Variants in TRPC4 observed in about 807,000 individuals in gnomAD.
TRPC4 encodes the protein short transient receptor potential channel 4.
A neutral mutation model predicts 99.4 loss-of-function variants in TRPC4; 49 were observed. That is an observed-to-expected ratio of 0.49 (90% CI 0.39 to 0.63). The LOEUF is 0.63. TRPC4 is among the 20% of genes least tolerant of loss of function. The pLI is 0.00. For synonymous variants in TRPC4, 454 were observed against 425.9 expected, an observed-to-expected ratio of 1.07 and a Z score of -0.81; for missense variants, 898 against 1,152.9, an observed-to-expected ratio of 0.78 and a Z score of 3.20.
At chr13:37,772,905 C>T (rs532486458) in intron 2 of TRPC4, among the ~76,000 whole-genome samples, 4 of 151,718 alleles carry the variant, frequency 2.6e-5, no homozygotes, top group Non-Finnish European at 5.9e-5. Flanking sequence ...CTCCTACACT[C>T]TCGTGAATGT....
chr13:37,740,717 G>A (rs79517865), intron 3 of TRPC4, among the ~76,000 whole-genome samples: 6,611 of 152,190 alleles, frequency 0.043, 197 homozygotes, highest in East Asian at 0.11. Context: ...CCATATCAAG[G>A]GGTTTGAAAT....
intron 2 of TRPC4, among the ~76,000 whole-genome samples, chr13:37,775,380 T>G (rs1325952155): frequency 6.7e-6 from 1 of 148,782 alleles, no homozygotes; most frequent in African/African-American, 2.5e-5. Flanking sequence ...TTGTTTAGAT[T>G]TTTTTGCTAT....
chr13:37,654,319 A>C (rs7338118), intron 7 of TRPC4, among the ~76,000 whole-genome samples: 37,777 of 152,080 alleles, frequency 0.25, 5,341 homozygotes, highest in East Asian at 0.68. Context: ...AGGTATAAAT[A>C]TGAAAGACTT....
chr13:37,642,049 G>A (rs144657988), intron 8 of TRPC4, among the ~76,000 whole-genome samples: 88 of 152,258 alleles, frequency 5.8e-4, no homozygotes, highest in Non-Finnish European at 1.0e-4. Flanking sequence ...GATTTTGATG[G>A]TAATTCATGC....
intron 1 of TRPC4, among the ~76,000 whole-genome samples, chr13:37,799,989 G>A (rs562356424): frequency 1.3e-5 from 2 of 152,242 alleles, no homozygotes; most frequent in East Asian, 3.9e-4. Context: ...GGTTGTTGCA[G>A]TGCAAATGCG....
At chr13:37,747,455 G>A (rs185631641) in intron 2 of TRPC4, among the ~76,000 whole-genome samples, 337 of 152,202 alleles carry the variant, frequency 2.2e-3, no homozygotes, top group African/African-American at 7.8e-3. Flanking sequence ...CTGGCACAAA[G>A]CCATAGAGGC....
At chr13:37,683,314 ATAGGG>A (rs1185024285) in intron 4 of TRPC4, among the ~76,000 whole-genome samples, 2 of 152,140 alleles carry the variant, frequency 1.3e-5, no homozygotes, top group Non-Finnish European at 2.9e-5. Flanking sequence ...AGGTTTGGCC[ATAGGG>A]TAGCCCATGG....
intron 1 of TRPC4, among the ~76,000 whole-genome samples, chr13:37,832,276 T>C (rs540084842): frequency 6.6e-6 from 1 of 152,336 alleles, no homozygotes; most frequent in South Asian, 2.1e-4. Context: ...GGCCACGCGC[T>C]GTAGCCTGTA....
intron 6 of TRPC4, among the ~76,000 whole-genome samples, chr13:37,659,334 C>T (rs1310518386): frequency 1.3e-5 from 2 of 152,120 alleles, no homozygotes; most frequent in East Asian, 1.9e-4. Flanking sequence ...CCCTGTGATG[C>T]CTGCTTCCCT....
At chr13:37,836,815 C>T (rs568753995) in intron 1 of TRPC4, among the ~76,000 whole-genome samples, 4 of 152,286 alleles carry the variant, frequency 2.6e-5, no homozygotes, top group East Asian at 1.9e-4. Flanking sequence ...ATGTTAATCC[C>T]CAAGACAATG....
In TRPC4 at chr13:37,644,616, ATTCC is replaced by A. The variant is rs563293294; in HGVS notation, c.2080-5321_2080-5318del. ...CCGGGCGCGGTGGTTCACGCCTGTA[ATTCC>A]AGCACTCTGGGAGGCCGAAGAGGGT... On this transcript the variant is annotated intron_variant, in intron 8 of 10. Coordinates refer to ENST00000379705, the MANE Select transcript of TRPC4 (RefSeq NM_016179.4). 1.7e-4 allele frequency among the ~76,000 whole-genome samples: 26 copies of A among 152,166 alleles called. No homozygotes were observed. In the East Asian group the frequency reaches 4.5e-3, roughly 26 times the overall value.
intron 1 of TRPC4, among the ~76,000 whole-genome samples, chr13:37,848,467 G>T (rs572789512): frequency 1.3e-5 from 2 of 152,196 alleles, no homozygotes; most frequent in Non-Finnish European, 2.9e-5. Flanking sequence ...AAGGAATTCC[G>T]ATTCCTGACT....
intron 2 of TRPC4, among the ~76,000 whole-genome samples, chr13:37,765,487 C>T (rs1956338671): frequency 6.6e-6 from 1 of 151,044 alleles, no homozygotes; most frequent in Admixed American, 6.6e-5. Context: ...TGTATTTCTC[C>T]CCTGATAGAT....
intron 3 of TRPC4, among the ~76,000 whole-genome samples, chr13:37,737,518 GCTGGAATGCA>G (rs1252882698): frequency 6.6e-6 from 1 of 151,884 alleles, no homozygotes; most frequent in African/African-American, 2.4e-5. Context: ...TGTTCCGCAG[GCTGGAATGCA>G]CTGGTACAAT....
Position 37,662,402 on chromosome 13 carries a change from T to C in TRPC4, c.1688+1014A>G, listed in dbSNP as rs138702922. 3.6e-3 allele frequency among the ~76,000 whole-genome samples: 549 copies of C among 152,290 alleles called. 4 individuals are homozygous for C. The highest frequency in any genetic ancestry group is 0.013 in the African/African-American group (532 of 41,560). Reference sequence around the variant, plus strand: ...GTATCAATGGCTGACATTTAAAAATTATGTGCAAATAAAAAGATGATGAAT... The same window carrying C: ...GTATCAATGGCTGACATTTAAAAATCATGTGCAAATAAAAAGATGATGAAT... On this transcript the variant is annotated intron_variant, in intron 6 of 10. Coordinates refer to ENST00000379705, the MANE Select transcript of TRPC4 (RefSeq NM_016179.4).
At chr13:37,735,017 A>G (rs1955353490) in intron 3 of TRPC4, among the ~76,000 whole-genome samples, 1 of 152,134 alleles carries the variant, frequency 6.6e-6, no homozygotes, top group South Asian at 2.1e-4. Context: ...TCCCTGTTCT[A>G]TGCCACCTAG....
At chr13:37,720,801 C>T (rs1954844179) in intron 3 of TRPC4, among the ~76,000 whole-genome samples, 1 of 152,040 alleles carries the variant, frequency 6.6e-6, no homozygotes, top group Non-Finnish European at 1.5e-5. Context: ...ACTTCATTTT[C>T]AATTCTTTAG....
At chr13:37,804,405 C>T (rs1957479000) in intron 1 of TRPC4, among the ~76,000 whole-genome samples, 1 of 152,038 alleles carries the variant, frequency 6.6e-6, no homozygotes, top group Admixed American at 6.6e-5. Flanking sequence ...CACATGCTTC[C>T]TTCCTGCCCT....
rs1951428104 is a variant in TRPC4, at chr13:37,633,073, A to G, written c.*3830T>C. On this transcript the variant is annotated 3_prime_UTR_variant, in exon 11 of 11. Coordinates refer to ENST00000379705, the MANE Select transcript of TRPC4 (RefSeq NM_016179.4). ...AAATTCCCTGGGCTTTACTTTCCCC[A>G]GTTATCTACAGTGAACTTATTTAAC... Among the ~76,000 whole-genome samples the G allele has an allele frequency of 6.6e-6, 1 of 152,182 alleles. No individual in the cohort carries two copies.
Sources: gnomAD v4.1 joint callset for allele counts (sites outside exome capture counted in the v4.1 genomes callset) on GRCh38, gnomAD v4.1.1 for gene constraint, MANE v1.5 for transcripts, NCBI Gene and HGNC (gene_info 2026-07-23, HGNC 2026-07-21) for gene names.